FBN3: variants seen among roughly 807,000 people sequenced by gnomAD.
FBN3 encodes the protein fibrillin-3.
FBN3 carries 234 observed loss-of-function variants against 330.1 expected under a neutral mutation model. The observed-to-expected ratio is 0.71, with a 90% confidence interval of 0.64 to 0.79. The LOEUF is 0.79. FBN3 is among the 30% of genes least tolerant of loss of function. FBN3 has a pLI of 0.00. For synonymous variants in FBN3, 1,458 were observed against 1,517.3 expected (o/e 0.96, Z 0.91); for missense variants, 3,606 against 3,886.9 (o/e 0.93, Z 1.92).
At chr19:8,138,983 G>A (rs551910101) in intron 8 of FBN3, among the ~76,000 whole-genome samples, 2 of 152,174 alleles carry the variant, frequency 1.3e-5, no homozygotes, top group Admixed American at 6.5e-5. Flanking sequence ...GAACCCAGGA[G>A]ACAAAGATTG....
intron 8 of FBN3, among the ~76,000 whole-genome samples, chr19:8,139,518 T>C (rs373028880): frequency 1.3e-5 from 2 of 151,916 alleles, no homozygotes; most frequent in African/African-American, 4.8e-5. Context: ...ACTACCCCAG[T>C]GGGATACCAG....
At position 8,146,215 on chromosome 19, in the gene FBN3, C is replaced by T. The variant is rs765939768; in HGVS notation, c.261G>A (p.Arg87=). Residue 87 remains arginine, a synonymous_variant, in exon 4 of 64, where the codon AGG becomes AGA. Coordinates refer to ENST00000600128, the MANE Select transcript of FBN3 (RefSeq NM_032447.5). ...AGCAGAAGCCTTCACCGCAGGCGCG[C>T]CTACAGATGGCTGGATGAGTGCAGC... ...GRSQCVVPIC[R]RACGEGFCSQ... is the part of the protein sequence containing the mutation. 2 of 1,594,060 alleles carry T rather than the reference C, an allele frequency of 1.3e-6. No homozygotes were observed. The highest frequency in any genetic ancestry group is 1.1e-5 in the South Asian group (1 of 87,256).
At chr19:8,122,310 T>C (rs896987445) in intron 24 of FBN3, among the ~76,000 whole-genome samples, 6 of 151,910 alleles carry the variant, frequency 3.9e-5, no homozygotes, top group African/African-American at 1.2e-4. Context: ...GCCACCATGC[T>C]GGCCCTGGAG....
chr19:8,146,968 G>A (rs1049812356), intron 3 of FBN3, 136 bp downstream of exon 3: 78 of 752,336 alleles, frequency 1.0e-4, no homozygotes, highest in Admixed American at 3.7e-4. Flanking sequence ...GAGGACAGAC[G>A]CAGATGCAAG....
chr19:8,141,472 C>T lies in FBN3; in HGVS notation c.865+245G>A, dbSNP rs564406264. Among the ~76,000 whole-genome samples, 6 of 152,254 alleles carry T rather than the reference C, an allele frequency of 3.9e-5. 1 individual carries two copies. The South Asian group carries it at 1.2e-3, about 32-fold the overall frequency. ...CTCGGTTCACTCAGGCAGTGGGTGC[C>T]ATCCAGGCTGCTGGCAAAACCTTGG... On this transcript the variant is annotated intron_variant, in intron 8 of 63. Coordinates refer to ENST00000600128, the MANE Select transcript of FBN3 (RefSeq NM_032447.5).
chr19:8,108,553 C>T (rs1355893821), intron 36 of FBN3, among the ~76,000 whole-genome samples: 1 of 152,002 alleles, frequency 6.6e-6, no homozygotes, highest in Non-Finnish European at 1.5e-5. Flanking sequence ...TCCTTCTGAT[C>T]CAAAACCATA....
chr19:8,106,723 G>A (rs1351692795), intron 37 of FBN3, among the ~76,000 whole-genome samples: 1 of 134,192 alleles, frequency 7.5e-6, no homozygotes, highest in Non-Finnish European at 1.6e-5. Flanking sequence ...GTGAATGGGT[G>A]GATAAGTGGA....
At position 8,097,369 on chromosome 19, in the gene FBN3, A is replaced by G. The variant is rs1357423960; in HGVS notation, c.5207T>C (p.Ile1736Thr). ...GAAACTCCCGATCTGGTTTATGCAGATGCCATTGGCACAGATGGCGGGGAT... is the reference window on the plus strand; with the variant it reads ...GAAACTCCCGATCTGGTTTATGCAGGTGCCATTGGCACAGATGGCGGGGAT... ...GEIPAICANG[I>T]CINQIGSFRC... The change falls in exon 42 of 64, where the codon ATC (isoleucine) becomes ACC (threonine). Residue 1736 changes from isoleucine to threonine, a missense_variant. By Grantham distance (89) the Ile-to-Thr change is moderately conservative (BLOSUM62 -1). Coordinates refer to ENST00000600128, the MANE Select transcript of FBN3 (RefSeq NM_032447.5). 1.2e-6 allele frequency: 2 copies of G among 1,607,716 alleles called. No homozygotes were observed. Among genetic ancestry groups the G allele is most frequent in the Non-Finnish European group, 8.5e-7 (1 of 1,175,190 alleles).
intron 13 of FBN3, among the ~76,000 whole-genome samples, chr19:8,133,846 C>T (rs2083212903): frequency 6.6e-6 from 1 of 151,932 alleles, no homozygotes; most frequent in Non-Finnish European, 1.5e-5. Context: ...AGACCATGGT[C>T]TAATTTAATG....
chr19:8,119,771 C>A (rs2082794235), intron 25 of FBN3, among the ~76,000 whole-genome samples: 1 of 150,392 alleles, frequency 6.6e-6, no homozygotes, highest in Admixed American at 6.7e-5. Context: ...GCCTCAGCCT[C>A]CCAAATTGCC....
Position 8,106,188 on chromosome 19 carries a change from T to C in FBN3, c.4733A>G (p.Asp1578Gly). The C allele has an allele frequency of 6.2e-7, 1 of 1,614,120 alleles. No homozygotes were observed. Among genetic ancestry groups the C allele is most frequent in the Non-Finnish European group, 8.5e-7 (1 of 1,180,020 alleles). Residue 1578 changes from aspartate (D) to glycine (G), a missense_variant, in exon 38 of 64, where the codon GAC becomes GGC. Transcript: ENST00000600128. ...QELPGLCQGG[D>G]CVNTFGSFQC... The stretch of plus-strand genomic sequence containing the variant: ...GAAACTGCCAAACGTGTTGACGCAG[T>C]CACCCCCCTGACACAGCCCTGGCAG...
At chr19:8,067,714 C>T (rs2081423389) in intron 63 of FBN3, among the ~76,000 whole-genome samples, 1 of 152,140 alleles carries the variant, frequency 6.6e-6, no homozygotes, top group South Asian at 2.1e-4. Context: ...AGATAAAAAT[C>T]CTTCCCCTCA....
rs1555749939 is a variant in FBN3, at chr19:8,129,357, C to T, written c.2053G>A (p.Glu685Lys). The change falls in exon 17 of 64, where the codon GAG (glutamate) becomes AAG (lysine). Residue 685 changes from glutamate (E) to lysine (K), a missense_variant. Glu to Lys is a moderately conservative substitution (Grantham distance 56, BLOSUM62 1). Coordinates refer to ENST00000600128, the MANE Select transcript of FBN3 (RefSeq NM_032447.5). This position sits in a 1 kb window ranked among gnomAD's most constrained non-coding sequence, Gnocchi z 4.5. ...GITTDGRDIN[E>K]CALDPEVCAN... Reference sequence around the variant, plus strand: ...CAAACCTCAGGATCCAGAGCACACTCGTTGATGTCTGCGGCAGGAGGAGGG... The same window carrying T: ...CAAACCTCAGGATCCAGAGCACACTTGTTGATGTCTGCGGCAGGAGGAGGG... The T allele has an allele frequency of 1.9e-6, 3 of 1,613,954 alleles. No individual in the cohort carries two copies. Among genetic ancestry groups the T allele is most frequent in the Non-Finnish European group, 2.5e-6 (3 of 1,179,944 alleles).
chr19:8,108,175 A>T lies in FBN3; in HGVS notation c.4682T>A (p.Leu1561Gln). Residue 1561 changes from leucine to glutamine, a missense_variant, in exon 37 of 64, where the codon CTG becomes CAG. Leu to Gln is a moderately radical substitution (Grantham distance 113). Transcript: ENST00000600128. ...GFQPNRITVI[L>Q]EDIDECQELP... is the part of the protein sequence containing the mutation. The stretch of plus-strand genomic sequence containing the variant: ...ATGATCTGCCAGGAACTCACCTTCC[A>T]GAATGACAGTGATGCGGTTAGGCTG... 6.2e-7 allele frequency: 1 copy of T among 1,612,434 alleles called. No individual in the cohort carries two copies. Among genetic ancestry groups the T allele is most frequent in the Non-Finnish European group, 8.5e-7 (1 of 1,179,384 alleles).
chr19:8,114,460 G>A (rs1188959274), intron 30 of FBN3, among the ~76,000 whole-genome samples: 3 of 152,154 alleles, frequency 2.0e-5, no homozygotes, highest in Non-Finnish European at 2.9e-5. Context: ...TGTTGGCCAG[G>A]CTGGTCTCAA....
rs2082538030 is a variant in FBN3 at position 8,109,874 on chromosome 19, G to T, written c.4334-121C>A. 1.8e-6 allele frequency: 2 copies of T among 1,136,744 alleles called. No homozygotes were observed. The highest frequency in any genetic ancestry group is 1.6e-5 in the African/African-American group (1 of 63,820). 70.4% of individuals were successfully genotyped at this position (1,136,744 alleles called of 1,614,324 possible). A position where few individuals can be genotyped will look rare whatever the true frequency, so the allele number is the denominator to read the frequency against. On this transcript the variant is annotated intron_variant, in intron 34 of 63. Coordinates refer to ENST00000600128, the MANE Select transcript of FBN3 (RefSeq NM_032447.5). The surrounding 1 kb of genome is among the most constrained non-coding windows in gnomAD (Gnocchi z 5.2). ...TCAACTCCTGGGCACCAGATTGTGG[G>T]ACAATGTCATGTCCTTCCCTGGGAA...
chr19:8,105,964 G>C, intron 38 of FBN3, 144 bp downstream of exon 38: 2 of 912,706 alleles, frequency 2.2e-6, no homozygotes, highest in Non-Finnish European at 3.3e-6. Flanking sequence ...AGAGAGAACT[G>C]ACAGATCATG....
chr19:8,131,332 C>T lies in FBN3; in HGVS notation c.1991-44G>A. Reference sequence around the variant, plus strand: ...AGTGAGACGGGTCAGGGAGCTTAGCCATGGCTCGGATTCAGCCACAGGCAA... The same window carrying T: ...AGTGAGACGGGTCAGGGAGCTTAGCTATGGCTCGGATTCAGCCACAGGCAA... On this transcript the variant is annotated intron_variant, in intron 15 of 63. Transcript: ENST00000600128. The surrounding 1 kb of genome is among the most constrained non-coding windows in gnomAD (Gnocchi z 4.5). 1 of 1,601,290 alleles carries T rather than the reference C, an allele frequency of 6.2e-7. No homozygotes were observed. Among genetic ancestry groups the T allele is most frequent in the Non-Finnish European group, 8.5e-7 (1 of 1,172,632 alleles).
At chr19:8,099,276 A>ATTTTTTTT (rs386388494) in intron 41 of FBN3, among the ~76,000 whole-genome samples, 4 of 98,878 alleles carry the variant, frequency 4.0e-5, no homozygotes, top group Admixed American at 1.4e-4. Flanking sequence ...TCATGGTTTG[A>ATTTTTTTT]TTTTTTTTTT....
Sources: gnomAD v4.1 joint callset for allele counts (sites outside exome capture counted in the v4.1 genomes callset) on GRCh38, gnomAD v4.1.1 for gene constraint, Gnocchi (gnomAD v3.1) non-coding constraint, MANE v1.5 for transcripts, NCBI Gene and HGNC (gene_info 2026-07-23, HGNC 2026-07-21) for gene names.